GALNTL6: variants seen among roughly 807,000 people sequenced by gnomAD.
GALNTL6 encodes the protein polypeptide N-acetylgalactosaminyltransferase like 6.
In GALNTL6, 46 loss-of-function variants were observed where a neutral mutation model predicts 73.7. The observed-to-expected ratio is 0.62, with a 90% confidence interval of 0.49 to 0.80. The LOEUF (loss-of-function observed/expected upper bound fraction) is 0.80, where lower values mean the gene tolerates loss of function less well. GALNTL6 is among the 30% of genes least tolerant of loss of function. GALNTL6 has a pLI of 0.00. For synonymous variants in GALNTL6, 259 were observed against 263.7 expected (o/e 0.98, Z 0.17); for missense variants, 604 against 755.0 (o/e 0.80, Z 2.34).
intron 2 of GALNTL6, among the ~76,000 whole-genome samples, chr4:171,940,700 T>G (rs908625088): frequency 1.3e-5 from 2 of 151,944 alleles, no homozygotes; most frequent in African/African-American, 4.8e-5. Flanking sequence ...GGCATGCATC[T>G]ATAATCCAAG....
intron 10 of GALNTL6, among the ~76,000 whole-genome samples, chr4:172,958,644 C>A (rs184988800): frequency 1.3e-5 from 2 of 151,992 alleles, no homozygotes; most frequent in Non-Finnish European, 2.9e-5. Flanking sequence ...AGGGAGCGCA[C>A]GTGTGTTTTT....
intron 2 of GALNTL6, among the ~76,000 whole-genome samples, chr4:171,969,980 A>G (rs1005980713): frequency 3.9e-5 from 6 of 152,122 alleles, no homozygotes; most frequent in Admixed American, 3.3e-4. Context: ...CATGTTGACC[A>G]TGCTAGTCTT....
chr4:172,091,258 G>A (rs555539357), intron 2 of GALNTL6, among the ~76,000 whole-genome samples: 1 of 152,242 alleles, frequency 6.6e-6, no homozygotes, highest in South Asian at 2.1e-4. Flanking sequence ...TTCATATAGA[G>A]TCTTTTTAAG....
chr4:171,928,006 T>A (rs1738040835), intron 2 of GALNTL6, among the ~76,000 whole-genome samples: 1 of 152,186 alleles, frequency 6.6e-6, no homozygotes, highest in Non-Finnish European at 1.5e-5. Context: ...ATGATTGTAT[T>A]CCCAGTATTA....
intron 5 of GALNTL6, among the ~76,000 whole-genome samples, chr4:172,542,727 A>C (rs1387562185): frequency 6.6e-6 from 1 of 152,164 alleles, no homozygotes; most frequent in Non-Finnish European, 1.5e-5. Context: ...CTGTTCAGTC[A>C]GTTGTGGGAC....
chr4:172,476,153 A>G (rs963954567), intron 5 of GALNTL6, among the ~76,000 whole-genome samples: 6 of 152,356 alleles, frequency 3.9e-5, no homozygotes, highest in African/African-American at 1.4e-4. Context: ...AAACTGGGTA[A>G]CTTATGAACA....
intron 7 of GALNTL6, among the ~76,000 whole-genome samples, chr4:172,868,232 C>T (rs1474694664): frequency 6.6e-6 from 1 of 150,626 alleles, no homozygotes; most frequent in African/African-American, 2.4e-5. Context: ...AAGTCCATCA[C>T]AACACTATGC....
At chr4:172,500,621 A>G (rs768927680) in intron 5 of GALNTL6, among the ~76,000 whole-genome samples, 1 of 152,072 alleles carries the variant, frequency 6.6e-6, no homozygotes, top group Non-Finnish European at 1.5e-5. Flanking sequence ...AGCAAAAATA[A>G]TGTTCAGGAA....
In GALNTL6 at chr4:172,612,223, T is replaced by A. The variant is rs74703792; in HGVS notation, c.554-197138T>A. On this transcript the variant is annotated intron_variant, in intron 5 of 12. Coordinates refer to ENST00000506823, the MANE Select transcript of GALNTL6 (RefSeq NM_001034845.3). ...TCCAAAATGTTTAACTTCTTTGGGCTTCAGTTTCTTGACCAGTAAGTTGAA... is the reference window on the plus strand; with the variant it reads ...TCCAAAATGTTTAACTTCTTTGGGCATCAGTTTCTTGACCAGTAAGTTGAA... 3.2e-3 allele frequency among the ~76,000 whole-genome samples: 483 copies of A among 152,194 alleles called. 3 individuals are homozygous for A. The highest frequency in any genetic ancestry group is 0.011 in the African/African-American group (447 of 41,560).
At chr4:172,057,324 G>A (rs1234963677) in intron 2 of GALNTL6, among the ~76,000 whole-genome samples, 1 of 151,850 alleles carries the variant, frequency 6.6e-6, no homozygotes, top group South Asian at 2.1e-4. Context: ...TGAGGTGGAA[G>A]GATCACTTGA....
At chr4:171,991,079 T>C (rs1740317271) in intron 2 of GALNTL6, among the ~76,000 whole-genome samples, 1 of 152,082 alleles carries the variant, frequency 6.6e-6, no homozygotes, top group Non-Finnish European at 1.5e-5. Context: ...TTGCTACTCA[T>C]AAGAGCCACA....
intron 2 of GALNTL6, among the ~76,000 whole-genome samples, chr4:171,837,880 T>C (rs1217389564): frequency 6.6e-6 from 1 of 150,696 alleles, no homozygotes; most frequent in East Asian, 1.9e-4. Flanking sequence ...CTCTCAAAAC[T>C]CCAGCAAACC....
chr4:171,838,606 C>T (rs1443121509), intron 2 of GALNTL6, among the ~76,000 whole-genome samples: 1 of 152,130 alleles, frequency 6.6e-6, no homozygotes, highest in Non-Finnish European at 1.5e-5. Context: ...AACATATACA[C>T]TTGTGAATTT....
At chr4:171,977,524 C>T (rs1229415279) in intron 2 of GALNTL6, among the ~76,000 whole-genome samples, 2 of 152,064 alleles carry the variant, frequency 1.3e-5, no homozygotes, top group Non-Finnish European at 2.9e-5. Context: ...CGTGGTTTTT[C>T]CTTCTGTATG....
intron 5 of GALNTL6, among the ~76,000 whole-genome samples, chr4:172,366,506 G>A (rs973126949): frequency 6.6e-6 from 1 of 152,060 alleles, no homozygotes; most frequent in Non-Finnish European, 1.5e-5. Context: ...CTGACTGATT[G>A]CCAAACATAG....
chr4:173,019,128 A>C (rs2126511736), intron 11 of GALNTL6, among the ~76,000 whole-genome samples: 1 of 152,366 alleles, frequency 6.6e-6, no homozygotes, highest in Non-Finnish European at 1.5e-5. Context: ...AGGGAGACAA[A>C]GGAGTTAAAG....
intron 11 of GALNTL6, among the ~76,000 whole-genome samples, chr4:173,018,532 T>C (rs547110780): frequency 1.0e-3 from 154 of 152,240 alleles, no homozygotes; most frequent in Non-Finnish European, 1.8e-3. Context: ...TAGGGAGGGA[T>C]AGAGAAACAT....
chr4:172,355,496 G>C (rs1256121987), intron 5 of GALNTL6, among the ~76,000 whole-genome samples: 4 of 152,052 alleles, frequency 2.6e-5, no homozygotes, highest in Non-Finnish European at 5.9e-5. Flanking sequence ...ATATTAGGTT[G>C]TATCTTAGTT....
At chr4:172,960,105 A>C (rs1749964687) in intron 10 of GALNTL6, among the ~76,000 whole-genome samples, 1 of 152,218 alleles carries the variant, frequency 6.6e-6, no homozygotes, top group South Asian at 2.1e-4. Context: ...TAATAAAATA[A>C]AATGCATATT....
Sources: allele counts gnomAD v4.1 joint callset (sites outside exome capture counted in the v4.1 genomes callset), GRCh38; gene constraint gnomAD v4.1.1; transcripts MANE v1.5; gene names NCBI Gene and HGNC (gene_info 2026-07-23, HGNC 2026-07-21).